Variants in PRICKLE2 observed in about 807,000 individuals in gnomAD.
PRICKLE2 encodes prickle-like protein 2.
PRICKLE2 carries 21 observed loss-of-function variants against 81.4 expected under a neutral mutation model. The observed-to-expected ratio is 0.26, with a 90% CI of 0.18 to 0.37. PRICKLE2 has a LOEUF of 0.37. PRICKLE2 is among the 10% of genes least tolerant of loss of function. PRICKLE2 has a pLI of 1.00. For missense variants in PRICKLE2, 940 were observed against 1,109.0 expected, an observed-to-expected ratio of 0.85 and a Z score of 2.16; for synonymous variants, 456 against 421.5, an observed-to-expected ratio of 1.08 and a Z score of -1.00.
At chr3:64,236,213 G>C (rs919956763) in intron 2 of PRICKLE2, among the ~76,000 whole-genome samples, 2 of 152,168 alleles carry the variant, frequency 1.3e-5, no homozygotes, top group Non-Finnish European at 2.9e-5. Flanking sequence ...CTTAGATCAT[G>C]ATATGTTTGA....
At chr3:64,155,713 C>G (rs939365617) in intron 5 of PRICKLE2, among the ~76,000 whole-genome samples, 15 of 152,164 alleles carry the variant, frequency 9.9e-5, no homozygotes, top group African/African-American at 3.6e-4. Flanking sequence ...GAATGAAGTA[C>G]TTACATATAC....
At position 64,098,471 on chromosome 3, in the gene PRICKLE2, GAAAAAAAAAAA is replaced by G. The variant is rs35195442; in HGVS notation, c.*569_*579del. 3 of 79,408 alleles carry G rather than the reference GAAAAAAAAAAA, an allele frequency of 3.8e-5. No homozygotes were observed. The highest frequency in any genetic ancestry group is 4.9e-5 in the Non-Finnish European group (2 of 40,506). The allele number at this position is 79,408 out of a possible 1,614,324, so 4.9% of individuals were successfully genotyped here. ...CACTGACATGTAACAAATTTGTATA[GAAAAAAAAAAA>G]AAAAAAAAAAAGGTGGTACCGGGCC... On this transcript the variant is annotated 3_prime_UTR_variant, in exon 8 of 8. Coordinates refer to ENST00000638394, the MANE Select transcript of PRICKLE2 (RefSeq NM_198859.4).
chr3:64,252,023 T>C (rs1236479169), intron 2 of PRICKLE2, among the ~76,000 whole-genome samples: 3 of 152,146 alleles, frequency 2.0e-5, no homozygotes, highest in African/African-American at 7.2e-5. Context: ...CAGACCTTCC[T>C]ATGGGTGAAT....
At chr3:64,159,113 ACTCAACAGGAG>A (rs2077687278) in intron 4 of PRICKLE2, among the ~76,000 whole-genome samples, 1 of 152,132 alleles carries the variant, frequency 6.6e-6, no homozygotes, top group Admixed American at 6.5e-5. Flanking sequence ...CACCCTGAGC[ACTCAACAGGAG>A]CAGAGGAGAC....
intron 7 of PRICKLE2, among the ~76,000 whole-genome samples, chr3:64,118,642 G>A (rs1121244): frequency 0.056 from 8,495 of 151,872 alleles, 571 homozygotes; most frequent in East Asian, 0.28. Context: ...AAACCATGAT[G>A]AGATAACTAT....
intron 2 of PRICKLE2, among the ~76,000 whole-genome samples, chr3:64,259,301 ACAAG>A (rs2079582394): frequency 6.6e-6 from 1 of 152,210 alleles, no homozygotes; most frequent in Non-Finnish European, 1.5e-5. Flanking sequence ...TAAGTGCACC[ACAAG>A]TTTTATCTCA....
At chr3:64,173,858 C>T (rs1266128944) in intron 2 of PRICKLE2, among the ~76,000 whole-genome samples, 1 of 152,190 alleles carries the variant, frequency 6.6e-6, no homozygotes, top group Non-Finnish European at 1.5e-5. Context: ...CAGAATTTTG[C>T]CCTTTCTCTA....
intron 2 of PRICKLE2, among the ~76,000 whole-genome samples, chr3:64,195,284 T>C (rs1339646369): frequency 6.6e-6 from 1 of 152,228 alleles, no homozygotes; most frequent in Non-Finnish European, 1.5e-5. Context: ...GGCTGGGTTT[T>C]ACAGCTAGTG....
intron 2 of PRICKLE2, among the ~76,000 whole-genome samples, chr3:64,169,463 C>G (rs1182343368): frequency 6.6e-6 from 1 of 152,080 alleles, no homozygotes; most frequent in East Asian, 1.9e-4. Context: ...GAATGCAATT[C>G]CTAAATGATA....
intron 2 of PRICKLE2, among the ~76,000 whole-genome samples, chr3:64,174,149 C>G (rs940771405): frequency 6.6e-6 from 1 of 152,148 alleles, no homozygotes; most frequent in Non-Finnish European, 1.5e-5. Flanking sequence ...AGATTCTCCA[C>G]TTTGGGAATA....
At chr3:64,116,934 T>C (rs2076943755) in intron 7 of PRICKLE2, among the ~76,000 whole-genome samples, 3 of 152,146 alleles carry the variant, frequency 2.0e-5, no homozygotes, top group African/African-American at 4.8e-5. Context: ...TGAACATTGA[T>C]GCAAAAATTC....
intron 7 of PRICKLE2, among the ~76,000 whole-genome samples, chr3:64,132,120 C>T (rs1290705393): frequency 2.0e-5 from 3 of 152,212 alleles, no homozygotes; most frequent in African/African-American, 7.2e-5. Flanking sequence ...CCTTCTCATC[C>T]AAGTCTTAGC....
At chr3:64,149,848 C>T (rs999700986) in intron 6 of PRICKLE2, among the ~76,000 whole-genome samples, 12 of 151,862 alleles carry the variant, frequency 7.9e-5, no homozygotes, top group African/African-American at 2.9e-4. Flanking sequence ...GTTCTCTTTT[C>T]ATTTTGAAAC....
intron 2 of PRICKLE2, among the ~76,000 whole-genome samples, chr3:64,173,725 T>C (rs2077973088): frequency 6.6e-6 from 1 of 152,198 alleles, no homozygotes; most frequent in African/African-American, 2.4e-5. Context: ...ACAACTGATC[T>C]GTTGCCCAAC....
At chr3:64,223,480 C>T (rs1377473874) in intron 1 of PRICKLE2, among the ~76,000 whole-genome samples, 1 of 152,150 alleles carries the variant, frequency 6.6e-6, no homozygotes, top group Non-Finnish European at 1.5e-5. Context: ...CATCTTTCTT[C>T]CTCTATTTCT....
chr3:64,143,499 T>C (rs1015069478), intron 7 of PRICKLE2, among the ~76,000 whole-genome samples: 1 of 152,170 alleles, frequency 6.6e-6, no homozygotes, highest in African/African-American at 2.4e-5. Flanking sequence ...GGAAATTGAG[T>C]GTCTTCCTCA....
chr3:64,197,290 T>C (rs554637051), intron 2 of PRICKLE2, among the ~76,000 whole-genome samples: 110 of 152,344 alleles, frequency 7.2e-4, no homozygotes, highest in African/African-American at 2.4e-3. Context: ...ATGGGATTGC[T>C]GGGTCAAATG....
intron 3 of PRICKLE2, 21 bp downstream of exon 3, chr3:64,162,995 A>G (rs748982700): frequency 1.4e-6 from 2 of 1,480,506 alleles, no homozygotes; most frequent in Non-Finnish European, 1.9e-6. Context: ...AATTCTGCAT[A>G]AGCCCCCTCT....
At chr3:64,137,744 T>C (rs1432586) in intron 7 of PRICKLE2, among the ~76,000 whole-genome samples, 82,337 of 151,538 alleles carry the variant, frequency 0.54, 23,582 homozygotes, top group East Asian at 0.87. Flanking sequence ...AAACGAGGGA[T>C]GGATTCTCCT....
Sources: allele counts gnomAD v4.1 joint callset (sites outside exome capture counted in the v4.1 genomes callset), GRCh38; gene constraint gnomAD v4.1.1; transcripts MANE v1.5; gene names NCBI Gene and HGNC (gene_info 2026-07-23, HGNC 2026-07-21).